ZNF469: variants seen among roughly 807,000 people sequenced by gnomAD.
ZNF469 encodes zinc finger protein 469.
ZNF469 carries 1 observed loss-of-function variant against 1.0 expected under a neutral mutation model. The observed-to-expected ratio is 1.00, with a 90% CI of 0.35 to 4.73. ZNF469 has a LOEUF of 4.73. Ranked by LOEUF, ZNF469 falls within the 30% of genes most tolerant of loss-of-function variation. The pLI is 0.16. For missense variants in ZNF469, 6,100 were observed against 5,356.3 expected (o/e 1.14, Z -4.33); for synonymous variants, 2,703 against 2,363.4 (o/e 1.14, Z -4.17).
In ZNF469 at chr16:88,434,978, C is replaced by T. The variant is rs141218390; in HGVS notation, c.7508C>T (p.Ala2503Val). ...RKHRPHPGAP[A>V]EPSPAALPAQ... is the part of the protein sequence containing the mutation. ...CACCGGCCACACCCGGGAGCCCCCG[C>T]GGAGCCGAGCCCAGCGGCCTTGCCT... Residue 2503 changes from alanine (A) to valine (V), a missense_variant, in exon 3 of 3, where the codon GCG becomes GTG. Coordinates refer to ENST00000565624, the MANE Select transcript of ZNF469 (RefSeq NM_001367624.2). The T allele has an allele frequency of 5.8e-6, 9 of 1,549,904 alleles. No individual in the cohort carries two copies. The highest frequency in any genetic ancestry group is 1.2e-5 in the South Asian group (1 of 84,052).
the ZNF469 span, among the ~76,000 whole-genome samples, chr16:88,135,748 G>C: frequency 1.3e-4 from 9 of 66,914 alleles, no homozygotes; most frequent in South Asian, 6.1e-4. Context: ...AGCTGGCCAT[G>C]TTTTTTTTTT....
chr16:88,130,833 G>A, the ZNF469 span, among the ~76,000 whole-genome samples: 55 of 152,330 alleles, frequency 3.6e-4, no homozygotes, highest in Non-Finnish European at 5.4e-4. Flanking sequence ...GCGCAGCACC[G>A]GCGCTGGGAA....
chr16:88,171,897 G>A, the ZNF469 span, among the ~76,000 whole-genome samples: 1 of 152,162 alleles, frequency 6.6e-6, no homozygotes, highest in South Asian at 2.1e-4. Flanking sequence ...ACTAATACGG[G>A]GTAACAGGAA....
At chr16:88,256,090 C>T in the ZNF469 span, among the ~76,000 whole-genome samples, 1 of 152,194 alleles carries the variant, frequency 6.6e-6, no homozygotes, top group Non-Finnish European at 1.5e-5. Flanking sequence ...CATCAGGGTT[C>T]ATTCCTGGTG....
chr16:88,333,661 A>G, the ZNF469 span, among the ~76,000 whole-genome samples: 1 of 147,918 alleles, frequency 6.8e-6, no homozygotes, highest in African/African-American at 2.5e-5. Context: ...GGAGCACGGA[A>G]GTCTTTGCAT....
the ZNF469 span, among the ~76,000 whole-genome samples, chr16:88,324,907 G>A: frequency 4.6e-5 from 7 of 152,170 alleles, no homozygotes; most frequent in Non-Finnish European, 1.5e-5. Flanking sequence ...TTGGCTCACA[G>A]TTCTGTAGGC....
chr16:88,414,350 T>C (rs1334665973), intron 1 of ZNF469, among the ~76,000 whole-genome samples: 2 of 152,122 alleles, frequency 1.3e-5, no homozygotes, highest in African/African-American at 2.4e-5. Context: ...GAACAAACTT[T>C]GGTGTGGGGT....
At chr16:88,312,324 T>C in the ZNF469 span, among the ~76,000 whole-genome samples, 1 of 152,256 alleles carries the variant, frequency 6.6e-6, no homozygotes, top group Non-Finnish European at 1.5e-5. Flanking sequence ...CCTGTTCTCA[T>C]GTGGTTATAG....
At chr16:88,344,064 T>A in the ZNF469 span, among the ~76,000 whole-genome samples, 1 of 151,944 alleles carries the variant, frequency 6.6e-6, no homozygotes, top group Non-Finnish European at 1.5e-5. Flanking sequence ...CCTCGTCTAA[T>A]CATGAGAAAA....
At chr16:88,225,267 G>A in the ZNF469 span, among the ~76,000 whole-genome samples, 3 of 152,220 alleles carry the variant, frequency 2.0e-5, no homozygotes, top group African/African-American at 7.2e-5. Flanking sequence ...ACTGGGAGTT[G>A]GATTCTGATT....
chr16:88,225,633 A>G, the ZNF469 span, among the ~76,000 whole-genome samples: 26 of 152,236 alleles, frequency 1.7e-4, no homozygotes, highest in Admixed American at 1.5e-3. Flanking sequence ...CCCCAAGGCC[A>G]TGGTGTTGGG....
intron 1 of ZNF469, among the ~76,000 whole-genome samples, chr16:88,401,602 GATAGTTGGGTGAGTGGA>G: frequency 1.3e-5 from 2 of 150,654 alleles, no homozygotes; most frequent in Admixed American, 6.6e-5. Flanking sequence ...TAGATGGATG[GATAGTTGGGTGAGTGGA>G]TGGATGGATG....
At chr16:88,264,525 A>G in the ZNF469 span, among the ~76,000 whole-genome samples, 1 of 149,688 alleles carries the variant, frequency 6.7e-6, no homozygotes, top group Non-Finnish European at 1.5e-5. Context: ...GCACCTTCCA[A>G]TACCTGCTGA....
At chr16:88,409,896 C>G (rs1905104080) in intron 1 of ZNF469, among the ~76,000 whole-genome samples, 1 of 138,784 alleles carries the variant, frequency 7.2e-6, no homozygotes, top group Non-Finnish European at 1.5e-5. Flanking sequence ...GCGGGGCGTT[C>G]CAGGGCTCTG....
the ZNF469 span, among the ~76,000 whole-genome samples, chr16:88,133,894 G>C: frequency 6.6e-6 from 1 of 152,204 alleles, no homozygotes; most frequent in Non-Finnish European, 1.5e-5. Flanking sequence ...AGGAGTTCGA[G>C]ACCAGCCTGG....
At chr16:88,248,174 G>C in the ZNF469 span, among the ~76,000 whole-genome samples, 1 of 152,090 alleles carries the variant, frequency 6.6e-6, no homozygotes, top group Non-Finnish European at 1.5e-5. Context: ...AATAGAATTG[G>C]CCATTTTTAA....
At chr16:88,262,024 T>C in the ZNF469 span, among the ~76,000 whole-genome samples, 1 of 152,090 alleles carries the variant, frequency 6.6e-6, no homozygotes, top group African/African-American at 2.4e-5. The surrounding 1 kb of genome is among the most constrained non-coding windows in gnomAD (Gnocchi z 4.3). Flanking sequence ...GCCCGGCTCA[T>C]CCCAAACCAA....
At chr16:88,236,511 G>T in the ZNF469 span, among the ~76,000 whole-genome samples, 1 of 152,200 alleles carries the variant, frequency 6.6e-6, no homozygotes, top group South Asian at 2.1e-4. Context: ...TGTTTTTCAG[G>T]TTTACTTTGG....
chr16:88,182,982 A>G, the ZNF469 span, among the ~76,000 whole-genome samples: 4 of 152,262 alleles, frequency 2.6e-5, no homozygotes, highest in African/African-American at 9.6e-5. Flanking sequence ...ATTATTTACA[A>G]AACACATTTC....
Sources: gnomAD v4.1 joint callset for allele counts (sites outside exome capture counted in the v4.1 genomes callset) on GRCh38, gnomAD v4.1.1 for gene constraint, Gnocchi (gnomAD v3.1) non-coding constraint, MANE v1.5 for transcripts, NCBI Gene and HGNC (gene_info 2026-07-23, HGNC 2026-07-21) for gene names.